The following NKAIN3 variants were observed in gnomAD, a reference collection of about 807,000 sequenced individuals.
NKAIN3 encodes the protein sodium/potassium transporting ATPase interacting 3, also known as sodium/potassium-transporting ATPase subunit beta-1-interacting protein 3.
In NKAIN3, 25 loss-of-function variants were observed where a neutral mutation model predicts 30.2. The observed-to-expected ratio is 0.83, with a 90% CI of 0.60 to 1.16. NKAIN3 has a LOEUF of 1.16. Ranked by LOEUF, NKAIN3 falls within the 50% of genes most tolerant of loss-of-function variation. The probability of loss-of-function intolerance (pLI) is 0.00; values close to 1 mark genes in which losing one functional copy is unlikely to be tolerated. For missense variants in NKAIN3, 225 were observed against 254.1 expected, an observed-to-expected ratio of 0.89 and a Z score of 0.78; for synonymous variants, 91 against 89.6, an observed-to-expected ratio of 1.02 and a Z score of -0.09.
At chr8:62,471,439 C>T (rs1029359545) in intron 1 of NKAIN3, among the ~76,000 whole-genome samples, 58 of 151,976 alleles carry the variant, frequency 3.8e-4, no homozygotes, top group African/African-American at 1.3e-3. Flanking sequence ...TCTGTGAAAA[C>T]GATGTTTTAC....
intron 1 of NKAIN3, among the ~76,000 whole-genome samples, chr8:62,340,711 C>T (rs1815713495): frequency 6.6e-6 from 1 of 151,958 alleles, no homozygotes; most frequent in Non-Finnish European, 1.5e-5. Flanking sequence ...AATAGGATTC[C>T]TGCTGAGGGC....
intron 4 of NKAIN3, among the ~76,000 whole-genome samples, chr8:62,812,852 C>T (rs957244295): frequency 2.0e-5 from 3 of 151,830 alleles, no homozygotes; most frequent in Admixed American, 6.6e-5. Context: ...GTTCTACCTG[C>T]TTTAAACACA....
chr8:62,575,095 A>T (rs1038125689), intron 1 of NKAIN3, among the ~76,000 whole-genome samples: 1 of 152,172 alleles, frequency 6.6e-6, no homozygotes, highest in East Asian at 1.9e-4. Context: ...ACTGTTATTC[A>T]GCATAGTACC....
chr8:62,375,358 G>A, intron 1 of NKAIN3, among the ~76,000 whole-genome samples: 1 of 152,160 alleles, frequency 6.6e-6, no homozygotes, highest in East Asian at 1.9e-4. Flanking sequence ...TTGAAAACAT[G>A]TTTGAAACCC....
chr8:62,856,463 A>G (rs1820062834), intron 4 of NKAIN3: 2 of 786,948 alleles, frequency 2.5e-6, no homozygotes, highest in African/African-American at 3.4e-5. Flanking sequence ...GATATGTCAA[A>G]GCCCCCAGGT....
chr8:62,623,727 T>C (rs73264827), intron 3 of NKAIN3, among the ~76,000 whole-genome samples: 3,707 of 152,112 alleles, frequency 0.024, 148 homozygotes, highest in African/African-American at 0.085. Flanking sequence ...CCTCCACTTT[T>C]GAAGGATAAT....
chr8:62,559,980 C>G (rs7812784), intron 1 of NKAIN3, among the ~76,000 whole-genome samples: 21,179 of 152,022 alleles, frequency 0.14, 2,010 homozygotes, highest in African/African-American at 0.27. Flanking sequence ...ACAAGTTTTT[C>G]TTTATCTGAG....
chr8:62,532,071 G>A (rs1808506502), intron 1 of NKAIN3, among the ~76,000 whole-genome samples: 1 of 152,176 alleles, frequency 6.6e-6, no homozygotes, highest in East Asian at 1.9e-4. Flanking sequence ...GACTAACTTT[G>A]ATGTCTGTTC....
At chr8:62,478,690 T>G (rs1272202204) in intron 1 of NKAIN3, among the ~76,000 whole-genome samples, 1 of 152,218 alleles carries the variant, frequency 6.6e-6, no homozygotes, top group Non-Finnish European at 1.5e-5. Flanking sequence ...TAAAATCATC[T>G]GGAAAGGTTT....
chr8:62,380,802 C>T (rs1211602933), intron 1 of NKAIN3, among the ~76,000 whole-genome samples: 2 of 152,176 alleles, frequency 1.3e-5, no homozygotes, highest in African/African-American at 2.4e-5. Context: ...ATCTACAGCT[C>T]ATACTGAAAA....
In NKAIN3 at chr8:62,704,508, C is replaced by A. The variant is rs13439148; in HGVS notation, c.274-42424C>A. Among the ~76,000 whole-genome samples, 6 of 152,184 alleles carry A rather than the reference C, an allele frequency of 3.9e-5. No homozygotes were observed. In the East Asian group the frequency reaches 9.7e-4, roughly 24 times the overall value. On this transcript the variant is annotated intron_variant, in intron 3 of 6. Coordinates refer to ENST00000623646, the MANE Select transcript of NKAIN3 (RefSeq NM_001304533.3). ...CCCCATTTTTGTGGCTTTACTCAAA[C>A]GTCTAACAATTCTTAGTTGTAGGCT...
At position 62,304,188 on chromosome 8, in the gene NKAIN3, T is replaced by A. The variant is rs1814146515; in HGVS notation, c.54+55061T>A. 2.0e-5 allele frequency among the ~76,000 whole-genome samples: 3 copies of A among 150,628 alleles called. No individual in the cohort carries two copies. In the South Asian group the frequency reaches 6.2e-4, roughly 31 times the overall value. Reference sequence around the variant, plus strand: ...AATCCATAGAGATTTGGCCCTACCTTTAAGCAGATTGTCCATTAGGAAGAG... The same window carrying A: ...AATCCATAGAGATTTGGCCCTACCTATAAGCAGATTGTCCATTAGGAAGAG... On this transcript the variant is annotated intron_variant, in intron 1 of 6. Coordinates refer to ENST00000623646, the MANE Select transcript of NKAIN3 (RefSeq NM_001304533.3).
chr8:62,515,183 A>G (rs751709771), intron 1 of NKAIN3, among the ~76,000 whole-genome samples: 27 of 152,182 alleles, frequency 1.8e-4, no homozygotes, highest in Non-Finnish European at 3.2e-4. Context: ...AAATTGTGCT[A>G]AAGAGTCATT....
chr8:62,720,833 A>T (rs1815066010), intron 3 of NKAIN3, among the ~76,000 whole-genome samples: 1 of 152,182 alleles, frequency 6.6e-6, no homozygotes, highest in Non-Finnish European at 1.5e-5. Flanking sequence ...CTTGCACATT[A>T]ACTTGTTCAT....
At chr8:62,406,198 C>T (rs971104872) in intron 1 of NKAIN3, among the ~76,000 whole-genome samples, 1 of 152,166 alleles carries the variant, frequency 6.6e-6, no homozygotes, top group South Asian at 2.1e-4. Flanking sequence ...TCAATAAATG[C>T]TTGTTGAACT....
In NKAIN3 at chr8:62,651,490, C is replaced by A. The variant is rs77604127; in HGVS notation, c.273+61696C>A. On this transcript the variant is annotated intron_variant, in intron 3 of 6. Transcript: ENST00000623646. ...CAATTCAAGCTGCTATAACAAAATA[C>A]CAGAAACTGCATGGCATATAAACAG... Among the ~76,000 whole-genome samples, 6 of 152,248 alleles carry A rather than the reference C, an allele frequency of 3.9e-5. No homozygotes were observed. The East Asian group carries it at 9.6e-4, about 24-fold the overall frequency.
chr8:62,500,500 A>AGAAAGAAG (rs1263185160), intron 1 of NKAIN3, among the ~76,000 whole-genome samples: 62 of 146,342 alleles, frequency 4.2e-4, no homozygotes, highest in African/African-American at 1.4e-3. Flanking sequence ...AAAGAAAGAA[A>AGAAAGAAG]GAAAGAAGGA....
chr8:62,365,106 CT>C (rs1233074298), intron 1 of NKAIN3, among the ~76,000 whole-genome samples: 1 of 151,978 alleles, frequency 6.6e-6, no homozygotes, highest in Non-Finnish European at 1.5e-5. Flanking sequence ...ATCTAGATGC[CT>C]TCTTATTACA....
chr8:62,738,549 AG>A (rs1349911133), intron 3 of NKAIN3, among the ~76,000 whole-genome samples: 1 of 141,774 alleles, frequency 7.1e-6, no homozygotes, highest in Non-Finnish European at 1.5e-5. Context: ...CAGTGAGCCC[AG>A]TTCATGCCAC....
Sources: gnomAD v4.1 joint callset for allele counts (sites outside exome capture counted in the v4.1 genomes callset) on GRCh38, gnomAD v4.1.1 for gene constraint, MANE v1.5 for transcripts, NCBI Gene and HGNC (gene_info 2026-07-23, HGNC 2026-07-21) for gene names.